Variants in MAN2B1 observed in about 807,000 individuals in gnomAD.
MAN2B1 encodes the protein lysosomal alpha-mannosidase.
A neutral mutation model predicts 127.5 loss-of-function variants in MAN2B1; 99 were observed. That is an observed-to-expected ratio of 0.78 (90% confidence interval 0.66 to 0.92). The LOEUF is 0.92. MAN2B1 is among the 40% of genes least tolerant of loss of function. MAN2B1 has a pLI of 0.00. For missense variants in MAN2B1, 1,304 were observed against 1,384.8 expected (o/e 0.94, Z 0.93); for synonymous variants, 573 against 568.8 (o/e 1.01, Z -0.11).
intron 10 of MAN2B1, chr19:12,657,853 G>C: frequency 1.6e-6 from 1 of 627,124 alleles, no homozygotes; most frequent in East Asian, 2.8e-5. Context: ...TACTCGGGAG[G>C]CTGAGTCAGG....
chr19:12,656,111 G>C, intron 13 of MAN2B1: 1 of 483,526 alleles, frequency 2.1e-6, no homozygotes, highest in East Asian at 3.5e-5. Context: ...GGGAGTGAAG[G>C]AGGAAGTAGG....
chr19:12,655,532 C>A (rs1052563225), intron 14 of MAN2B1, among the ~76,000 whole-genome samples, 162 bp downstream of exon 14: 2 of 152,166 alleles, frequency 1.3e-5, no homozygotes, highest in African/African-American at 4.8e-5. Flanking sequence ...GGAAAGGACA[C>A]TGAGGCTCAG....
chr19:12,657,321 G>A (rs2023989755), intron 11 of MAN2B1, 125 bp downstream of exon 11: 1 of 721,250 alleles, frequency 1.4e-6, no homozygotes, highest in Admixed American at 2.4e-5. Flanking sequence ...GCCCCCACGA[G>A]CCCTTGTAGC....
At chr19:12,665,647 A>G in intron 2 of MAN2B1, 56 bp downstream of exon 2, 2 of 1,589,008 alleles carry the variant, frequency 1.3e-6, no homozygotes, top group South Asian at 1.1e-5. Flanking sequence ...TCCAGGACCC[A>G]GAGGGATTAC....
intron 2 of MAN2B1, 73 bp from the exon 3 acceptor site, chr19:12,665,598 A>C: frequency 6.3e-7 from 1 of 1,596,530 alleles, no homozygotes; most frequent in Middle Eastern, 1.7e-4. Context: ...GAGGAGCCCA[A>C]ACCCTGGATA....
chr19:12,663,076 G>A (rs998696008), intron 6 of MAN2B1, among the ~76,000 whole-genome samples: 24 of 151,908 alleles, frequency 1.6e-4, no homozygotes, highest in Non-Finnish European at 3.1e-4. Context: ...GACCAGCCTG[G>A]ACAACATGAT....
At position 12,648,406 on chromosome 19, in the gene MAN2B1, G is replaced by T. The variant is rs772778684; in HGVS notation, c.2437-4C>A. 1 of 1,608,308 alleles carries T rather than the reference G, an allele frequency of 6.2e-7. No individual in the cohort carries two copies. Among genetic ancestry groups the T allele is most frequent in the Non-Finnish European group, 8.5e-7 (1 of 1,176,026 alleles). Reference sequence around the variant, plus strand: ...CCTTCAGCAGCCTTCGGTGCACCTGGGGGGAGAGTGGCCAGGAGGGGGTGA... The same window carrying T: ...CCTTCAGCAGCCTTCGGTGCACCTGTGGGGAGAGTGGCCAGGAGGGGGTGA... On this transcript the variant is annotated splice_polypyrimidine_tract_variant and splice_region_variant and intron_variant, in intron 20 of 23. Coordinates refer to ENST00000456935, the MANE Select transcript of MAN2B1 (RefSeq NM_000528.4).
chr19:12,666,269 C>T lies in MAN2B1; in HGVS notation c.159+274G>A, dbSNP rs140583423. On this transcript the variant is annotated intron_variant, in intron 1 of 23. Coordinates refer to ENST00000456935, the MANE Select transcript of MAN2B1 (RefSeq NM_000528.4). ...CCCCCCACACATACACTGCTCACCC[C>T]CTGCCACCTCCTGCCCCTCCAATCC... is the stretch of plus-strand genomic sequence containing the variant. Among the ~76,000 whole-genome samples the T allele has an allele frequency of 1.5e-4, 23 of 152,238 alleles. No individual in the cohort carries two copies. In the East Asian group the frequency reaches 4.2e-3, roughly 28 times the overall value.
intron 18 of MAN2B1, 137 bp downstream of exon 18, chr19:12,649,776 C>G: frequency 1.3e-6 from 1 of 782,512 alleles, no homozygotes; most frequent in Admixed American, 2.0e-5. Flanking sequence ...GCCACTGCAC[C>G]CTGCCTGGCT....
At chr19:12,661,988 G>A (rs915760819) in intron 6 of MAN2B1, among the ~76,000 whole-genome samples, 2 of 152,074 alleles carry the variant, frequency 1.3e-5, no homozygotes, top group Non-Finnish European at 2.9e-5. Flanking sequence ...GGGATTACAG[G>A]CGTGCGCCAC....
Position 12,658,300 on chromosome 19 carries a change from T to TGG in MAN2B1, c.1152_1153dup (p.His385ProfsTer93), listed in dbSNP as rs759466907. The stretch of plus-strand genomic sequence containing the variant: ...GGAAAAGTAACCGGTCCAGAACTGG[T>TGG]GGGGGCCATCCGCGTAAGGGAAGAA... On this transcript the variant is annotated frameshift_variant, in exon 9 of 24. Transcript: ENST00000456935. LOFTEE classifies it high-confidence loss of function. 6.2e-7 allele frequency: 1 copy of TGG among 1,614,096 alleles called. No individual in the cohort carries two copies.
chr19:12,654,470 A>T (rs1170083683), intron 14 of MAN2B1, among the ~76,000 whole-genome samples: 2 of 152,168 alleles, frequency 1.3e-5, no homozygotes, highest in South Asian at 4.2e-4. Flanking sequence ...CAGCCAGAGC[A>T]CACCTGTGAT....
rs755806804 is a variant in MAN2B1, at chr19:12,663,824, G to A, written c.642C>T (p.Asp214=). The change falls in exon 5 of 24, where the codon GAC becomes GAT. Residue 214 remains aspartate, a synonymous_variant. Transcript: ENST00000456935. ...QASLFAQMGF[D]GFFFGRLDYQ... ...AATCAAGGCGCCCAAAGAAGAAGCCGTCGAAGCCCATCTGGGGATGAGGGA... is the reference window on the plus strand; with the variant it reads ...AATCAAGGCGCCCAAAGAAGAAGCCATCGAAGCCCATCTGGGGATGAGGGA... The A allele has an allele frequency of 1.2e-5, 20 of 1,614,034 alleles. No homozygotes were observed. Among genetic ancestry groups the A allele is most frequent in the African/African-American group, 1.2e-4 (9 of 74,908 alleles).
chr19:12,665,710 A>G lies in MAN2B1; in HGVS notation c.255T>C (p.Phe85=). Reference sequence around the variant, plus strand: ...TCCCCATCCTCTACTCACTTCCATAAAAGTACTGGTCCACGGTTTTGAGCC... The same window carrying G: ...TCCCCATCCTCTACTCACTTCCATAGAAGTACTGGTCCACGGTTTTGAGCC... The part of the protein sequence containing the change: ...VGWLKTVDQY[F]YGIKNDIQHA... Residue 85 remains phenylalanine (F), a synonymous_variant, in exon 2 of 24, where the codon TTT becomes TTC. Coordinates refer to ENST00000456935, the MANE Select transcript of MAN2B1 (RefSeq NM_000528.4). The G allele has an allele frequency of 6.2e-7, 1 of 1,613,964 alleles. No homozygotes were observed. Among genetic ancestry groups the G allele is most frequent in the Non-Finnish European group, 8.5e-7 (1 of 1,179,858 alleles).
At chr19:12,665,918 G>A in intron 1 of MAN2B1, 113 bp from the exon 2 acceptor site, 2 of 805,216 alleles carry the variant, frequency 2.5e-6, no homozygotes, top group Non-Finnish European at 4.2e-6. Context: ...TCTCGCCTAT[G>A]TGCAGAGGAG....
chr19:12,657,282 T>C (rs1448589509), intron 11 of MAN2B1, 164 bp downstream of exon 11: 2 of 284,394 alleles, frequency 7.0e-6, no homozygotes, highest in Non-Finnish European at 1.3e-5. Flanking sequence ...GCCCCGTTCC[T>C]GTATCTTTCC....
chr19:12,647,094 C>T lies in MAN2B1; in HGVS notation c.2923+139G>A. Reference sequence around the variant, plus strand: ...CACCCATTTCAGATCCTTTAAGCCCCTAACCTGGGTCTGGACTCTGCCCCA... The same window carrying T: ...CACCCATTTCAGATCCTTTAAGCCCTTAACCTGGGTCTGGACTCTGCCCCA... On this transcript the variant is annotated intron_variant, in intron 23 of 23. Transcript: ENST00000456935. The surrounding 1 kb of genome is among the most constrained non-coding windows in gnomAD (Gnocchi z 4.9). 1 of 806,282 alleles carries T rather than the reference C, an allele frequency of 1.2e-6. No individual in the cohort carries two copies. Among genetic ancestry groups the T allele is most frequent in the Non-Finnish European group, 2.1e-6 (1 of 475,888 alleles). The allele number at this position is 806,282 out of a possible 1,614,324, so 49.9% of individuals were successfully genotyped here.
chr19:12,665,037 G>T, intron 3 of MAN2B1, 52 bp from the exon 4 acceptor site: 1 of 1,517,934 alleles, frequency 6.6e-7, no homozygotes, highest in Non-Finnish European at 9.1e-7. Context: ...AGGAGTGGGA[G>T]TAGGGTGGGT....
chr19:12,656,067 AC>A, intron 13 of MAN2B1, 188 bp from the exon 14 acceptor site: 1 of 542,582 alleles, frequency 1.8e-6, no homozygotes, highest in Admixed American at 3.1e-5. Flanking sequence ...GGAAAAAAAA[AC>A]CCACCGGGAG....
Sources: gnomAD v4.1 joint callset for allele counts (sites outside exome capture counted in the v4.1 genomes callset) on GRCh38, gnomAD v4.1.1 for gene constraint, Gnocchi (gnomAD v3.1) non-coding constraint, MANE v1.5 for transcripts, NCBI Gene and HGNC (gene_info 2026-07-23, HGNC 2026-07-21) for gene names.